PCDH9: variants seen among roughly 807,000 people sequenced by gnomAD.
The protein encoded by PCDH9 is protocadherin 9.
A neutral mutation model predicts 70.6 loss-of-function variants in PCDH9; 24 were observed. The observed-to-expected ratio is 0.34, with a 90% CI of 0.25 to 0.48. The LOEUF is 0.48. Among genes scored for constraint, PCDH9 ranks in the 20% least tolerant of loss-of-function variants. PCDH9 has a pLI of 0.99. For missense variants in PCDH9, 1,281 were observed against 1,503.6 expected (o/e 0.85, Z 2.45); for synonymous variants, 562 against 558.5 (o/e 1.01, Z -0.09).
chr13:67,101,573 C>T (rs753888461), intron 2 of PCDH9, among the ~76,000 whole-genome samples: 86 of 152,124 alleles, frequency 5.7e-4, no homozygotes, highest in Non-Finnish European at 8.7e-4. Flanking sequence ...ATCAACAGAA[C>T]TCAAAATGTA....
intron 4 of PCDH9, among the ~76,000 whole-genome samples, chr13:66,456,808 G>C (rs1958326135): frequency 6.6e-6 from 1 of 151,918 alleles, no homozygotes; most frequent in African/African-American, 2.4e-5. Context: ...CTTTCATTTT[G>C]CTATGGAGTA....
intron 2 of PCDH9, among the ~76,000 whole-genome samples, chr13:67,113,284 C>A (rs2086691840): frequency 6.6e-6 from 1 of 152,054 alleles, no homozygotes; most frequent in Non-Finnish European, 1.5e-5. Flanking sequence ...TTACTCAAAA[C>A]AAAACCCACA....
intron 2 of PCDH9, among the ~76,000 whole-genome samples, chr13:66,954,089 G>C (rs923212500): frequency 1.3e-5 from 2 of 152,228 alleles, no homozygotes; most frequent in East Asian, 1.9e-4. Flanking sequence ...CTAAAACAGT[G>C]GGGCTGGGCA....
chr13:66,923,502 G>C (rs545586580), intron 2 of PCDH9, among the ~76,000 whole-genome samples: 1 of 151,494 alleles, frequency 6.6e-6, no homozygotes, highest in African/African-American at 2.4e-5. Context: ...AAAATATCCA[G>C]TTTAAAATAA....
At position 66,470,816 on chromosome 13, in the gene PCDH9, T is replaced by C. The variant is rs56413034; in HGVS notation, c.3340+160394A>G. ...TGGGATCAATTCTACCTAATCTTGC[T>C]GAGCTAACTTGGACAAGTGTTTCAT... On this transcript the variant is annotated intron_variant, in intron 4 of 4. Transcript: ENST00000377865. 1.2e-3 allele frequency among the ~76,000 whole-genome samples: 177 copies of C among 151,984 alleles called. 1 individual carries two copies. The highest frequency in any genetic ancestry group is 0.011 in the South Asian group (51 of 4,816).
intron 4 of PCDH9, among the ~76,000 whole-genome samples, chr13:66,392,345 G>A (rs904974920): frequency 6.6e-6 from 1 of 151,960 alleles, no homozygotes; most frequent in African/African-American, 2.4e-5. Flanking sequence ...CAAGACAAAA[G>A]AATTGTTATT....
At chr13:66,682,785 C>T (rs1313453583) in intron 3 of PCDH9, among the ~76,000 whole-genome samples, 1 of 152,048 alleles carries the variant, frequency 6.6e-6, no homozygotes, top group East Asian at 1.9e-4. Flanking sequence ...TATCTAATTA[C>T]TTTCAAAGCT....
intron 4 of PCDH9, among the ~76,000 whole-genome samples, chr13:66,403,029 T>C (rs1957215358): frequency 6.6e-6 from 1 of 151,992 alleles, no homozygotes; most frequent in African/African-American, 2.4e-5. Context: ...TCTATAGGTA[T>C]AACAAATGTA....
chr13:66,326,319 TA>T (rs1481175976), intron 4 of PCDH9, among the ~76,000 whole-genome samples: 127 of 151,952 alleles, frequency 8.4e-4, no homozygotes, highest in African/African-American at 3.0e-3. Flanking sequence ...TGGAGTCATG[TA>T]TTTTATATTG....
chr13:66,953,264 CTAAAAA>C (rs1256334569), intron 2 of PCDH9, among the ~76,000 whole-genome samples: 4 of 152,008 alleles, frequency 2.6e-5, no homozygotes, highest in Non-Finnish European at 4.4e-5. Context: ...ACATTTCCAC[CTAAAAA>C]TGCTAACATT....
At chr13:66,481,209 C>A (rs1044338211) in intron 4 of PCDH9, among the ~76,000 whole-genome samples, 5 of 150,978 alleles carry the variant, frequency 3.3e-5, no homozygotes, top group South Asian at 2.1e-4. Flanking sequence ...ATGCAAATGA[C>A]GGGTTGATGG....
chr13:66,744,267 A>T (rs1041040459), intron 3 of PCDH9, among the ~76,000 whole-genome samples: 8 of 152,340 alleles, frequency 5.3e-5, no homozygotes, highest in African/African-American at 1.9e-4. Flanking sequence ...TTATGACCAG[A>T]TGAAGATTAA....
chr13:66,398,232 T>A (rs1957136579), intron 4 of PCDH9, among the ~76,000 whole-genome samples: 1 of 152,116 alleles, frequency 6.6e-6, no homozygotes, highest in African/African-American at 2.4e-5. Flanking sequence ...AGACTCTGTG[T>A]CCAAATTAAG....
intron 4 of PCDH9, among the ~76,000 whole-genome samples, chr13:66,549,693 T>C (rs1961392580): frequency 6.6e-6 from 1 of 152,058 alleles, no homozygotes. Context: ...GGAGCACCTA[T>C]AAAGATCATT....
chr13:66,591,832 CAA>C (rs987643154), intron 4 of PCDH9, among the ~76,000 whole-genome samples: 3 of 151,300 alleles, frequency 2.0e-5, no homozygotes, highest in African/African-American at 7.3e-5. Flanking sequence ...GCAAGGAAAA[CAA>C]GATGATAAAA....
chr13:66,811,128 A>G (rs1182779187), intron 3 of PCDH9, among the ~76,000 whole-genome samples: 1 of 152,246 alleles, frequency 6.6e-6, no homozygotes, highest in African/African-American at 2.4e-5. Flanking sequence ...GTTTACAAAT[A>G]TAATTTTAAT....
At chr13:66,625,267 A>T (rs1296728377) in intron 4 of PCDH9, among the ~76,000 whole-genome samples, 3 of 152,184 alleles carry the variant, frequency 2.0e-5, no homozygotes, top group Non-Finnish European at 4.4e-5. Flanking sequence ...TTTTTATGAT[A>T]CTGAAGAAAG....
rs550206157 is a variant in PCDH9, at chr13:66,314,741, G to A, written c.3341-9713C>T. ...CTGATGACCTAGTTGCTCAATGCAG[G>A]AAAAAAGGTATTTGGAGTATCGTCC... On this transcript the variant is annotated intron_variant, in intron 4 of 4. Transcript: ENST00000377865. Among the ~76,000 whole-genome samples, 4 of 152,012 alleles carry A rather than the reference G, an allele frequency of 2.6e-5. No individual in the cohort carries two copies. In the East Asian group the frequency reaches 5.8e-4, roughly 22 times the overall value.
chr13:66,767,265 G>A (rs2079732722), intron 3 of PCDH9, among the ~76,000 whole-genome samples: 1 of 151,048 alleles, frequency 6.6e-6, no homozygotes, highest in Non-Finnish European at 1.5e-5. Flanking sequence ...GTTTTATCTG[G>A]AGAATGTAGA....
Sources: allele counts gnomAD v4.1 joint callset (sites outside exome capture counted in the v4.1 genomes callset), GRCh38; gene constraint gnomAD v4.1.1; transcripts MANE v1.5; gene names NCBI Gene and HGNC (gene_info 2026-07-23, HGNC 2026-07-21).